Variants in ADGRL3 observed in about 807,000 individuals in gnomAD.
ADGRL3 encodes the protein calcium-independent alpha-latrotoxin receptor 3.
A neutral mutation model predicts 153.5 loss-of-function variants in ADGRL3; 62 were observed. The ratio of observed to expected loss-of-function variants is 0.40; its 90% CI spans 0.33 to 0.50. ADGRL3 has a LOEUF of 0.50. Ranked by LOEUF, ADGRL3 falls within the 20% of genes least tolerant of loss-of-function variation. ADGRL3 has a pLI of 0.47. For missense variants in ADGRL3, 1,641 were observed against 1,859.4 expected (o/e 0.88, Z 2.16); for synonymous variants, 710 against 672.5 (o/e 1.06, Z -0.86).
chr4:61,660,494 T>C (rs1313440455), intron 5 of ADGRL3, among the ~76,000 whole-genome samples: 1 of 152,178 alleles, frequency 6.6e-6, no homozygotes, highest in Non-Finnish European at 1.5e-5. Flanking sequence ...ATTTAGTCAT[T>C]ATTTATTTGC....
intron 9 of ADGRL3, among the ~76,000 whole-genome samples, chr4:61,820,040 A>G (rs2097733415): frequency 6.6e-6 from 1 of 152,048 alleles, no homozygotes; most frequent in African/African-American, 2.4e-5. Flanking sequence ...ATTTTTAGGG[A>G]AAAAGTATTT....
intron 9 of ADGRL3, among the ~76,000 whole-genome samples, chr4:61,875,705 A>T (rs1314539131): frequency 5.3e-5 from 8 of 152,230 alleles, no homozygotes; most frequent in Non-Finnish European, 1.2e-4. Context: ...GAATTTTTTT[A>T]TCCATTGTCT....
At chr4:61,784,319 T>A (rs1160658917) in intron 8 of ADGRL3, among the ~76,000 whole-genome samples, 5 of 152,108 alleles carry the variant, frequency 3.3e-5, no homozygotes, top group Non-Finnish European at 5.9e-5. Context: ...TCTGCTTAGG[T>A]TTTTTTATTT....
At chr4:61,798,800 G>T (rs377556342) in intron 8 of ADGRL3, among the ~76,000 whole-genome samples, 1 of 150,670 alleles carries the variant, frequency 6.6e-6, no homozygotes, top group South Asian at 2.1e-4. Flanking sequence ...TATGTTTTTA[G>T]TAGAGACAGG....
chr4:61,380,056 G>T (rs1309001644), intron 1 of ADGRL3, among the ~76,000 whole-genome samples: 1 of 151,704 alleles, frequency 6.6e-6, no homozygotes, highest in Non-Finnish European at 1.5e-5. Context: ...AAAAAAGTAA[G>T]AATTTTACAT....
chr4:61,343,517 T>C (rs1220112069), intron 1 of ADGRL3, among the ~76,000 whole-genome samples: 2 of 152,196 alleles, frequency 1.3e-5, no homozygotes, highest in African/African-American at 4.8e-5. Context: ...GCTCTGGTCC[T>C]GTCTCGTGCT....
At chr4:61,744,613 G>A (rs993304731) in intron 8 of ADGRL3, among the ~76,000 whole-genome samples, 13 of 152,240 alleles carry the variant, frequency 8.5e-5, no homozygotes, top group African/African-American at 3.1e-4. Flanking sequence ...AGGGTCTGGA[G>A]TGGACTTCTA....
intron 8 of ADGRL3, among the ~76,000 whole-genome samples, chr4:61,813,195 C>G (rs1013316581): frequency 5.3e-5 from 8 of 152,058 alleles, no homozygotes; most frequent in Non-Finnish European, 7.4e-5. Context: ...GAGTTCAAGA[C>G]CAGCCTGGCC....
chr4:61,603,717 A>AGTGT (rs1553977286), intron 5 of ADGRL3, among the ~76,000 whole-genome samples: 2 of 146,076 alleles, frequency 1.4e-5, no homozygotes, highest in Admixed American at 6.8e-5. Flanking sequence ...CATCCCTCTT[A>AGTGT]GTGTGTGTGT....
intron 1 of ADGRL3, among the ~76,000 whole-genome samples, chr4:61,291,607 C>CATAT (rs1188232309): frequency 2.3e-4 from 2 of 8,546 alleles, no homozygotes; most frequent in African/African-American, 6.2e-4. Flanking sequence ...TATATATACA[C>CATAT]ACACATATAT....
intron 8 of ADGRL3, among the ~76,000 whole-genome samples, chr4:61,744,807 C>T (rs1199666217): frequency 6.6e-6 from 1 of 152,196 alleles, no homozygotes. Context: ...AAGCAGAGCA[C>T]CTCTCCCCCT....
At chr4:61,207,132 G>T (rs1737653659) in intron 1 of ADGRL3, among the ~76,000 whole-genome samples, 2 of 152,082 alleles carry the variant, frequency 1.3e-5, no homozygotes, top group Non-Finnish European at 2.9e-5. Context: ...CACGTGCCAT[G>T]GTGGTTTGCT....
intron 2 of ADGRL3, among the ~76,000 whole-genome samples, chr4:61,446,128 G>T (rs1045314771): frequency 6.6e-5 from 10 of 152,100 alleles, no homozygotes; most frequent in African/African-American, 2.2e-4. Context: ...TCATCATTAA[G>T]CATGACTGTA....
At chr4:61,435,752 A>G (rs2097436883) in intron 2 of ADGRL3, among the ~76,000 whole-genome samples, 1 of 152,084 alleles carries the variant, frequency 6.6e-6, no homozygotes, top group Non-Finnish European at 1.5e-5. Context: ...ACAGTCAGTG[A>G]AACCATCTCA....
chr4:61,574,342 A>G (rs1056980060), intron 4 of ADGRL3, among the ~76,000 whole-genome samples: 1 of 152,006 alleles, frequency 6.6e-6, no homozygotes, highest in Non-Finnish European at 1.5e-5. Context: ...GGATGTAACT[A>G]TCATTCATAA....
chr4:61,630,573 T>C (rs924036612), intron 5 of ADGRL3, among the ~76,000 whole-genome samples: 7 of 152,342 alleles, frequency 4.6e-5, no homozygotes, highest in Non-Finnish European at 1.0e-4. Context: ...TTTTCACTCT[T>C]ATTTTTGTCA....
At chr4:61,416,525 T>C (rs2152303910) in intron 2 of ADGRL3, among the ~76,000 whole-genome samples, 1 of 152,316 alleles carries the variant, frequency 6.6e-6, no homozygotes, top group South Asian at 2.1e-4. Flanking sequence ...GTAGGAGTAA[T>C]ATTGCTTCCT....
chr4:61,586,469 TAAATAAA>T (rs2098947102), intron 4 of ADGRL3, among the ~76,000 whole-genome samples: 1 of 152,066 alleles, frequency 6.6e-6, no homozygotes, highest in South Asian at 2.1e-4. Context: ...ATTACATTTA[TAAATAAA>T]ATAATACAAA....
chr4:61,839,289 CAG>C (rs2148968085), intron 9 of ADGRL3, among the ~76,000 whole-genome samples: 1 of 152,108 alleles, frequency 6.6e-6, no homozygotes, highest in South Asian at 2.1e-4. Flanking sequence ...CTCCTGGGCT[CAG>C]GGGATCCTCT....
Sources: allele counts gnomAD v4.1 joint callset (sites outside exome capture counted in the v4.1 genomes callset), GRCh38; gene constraint gnomAD v4.1.1; transcripts MANE v1.5; gene names NCBI Gene and HGNC (gene_info 2026-07-23, HGNC 2026-07-21).